The following EPB41L3 variants were observed in gnomAD, a reference collection of about 807,000 sequenced individuals.
EPB41L3 encodes band 4.1-like protein 3.
In EPB41L3, 57 loss-of-function variants were observed where a neutral mutation model predicts 127.1. The ratio of observed to expected loss-of-function variants is 0.45; its 90% CI spans 0.36 to 0.56. The LOEUF is 0.56. Ranked by LOEUF, EPB41L3 falls within the 20% of genes least tolerant of loss-of-function variation. EPB41L3 has a pLI of 0.00. For missense variants in EPB41L3, 1,273 were observed against 1,372.2 expected, an observed-to-expected ratio of 0.93 and a Z score of 1.14; for synonymous variants, 572 against 549.5, an observed-to-expected ratio of 1.04 and a Z score of -0.57.
intron 3 of EPB41L3, among the ~76,000 whole-genome samples, chr18:5,563,628 C>T (rs1313062636): frequency 6.6e-6 from 1 of 152,144 alleles, no homozygotes; most frequent in Non-Finnish European, 1.5e-5. Context: ...ACTGCACCAA[C>T]AGTCTGACTA....
chr18:5,408,541 C>CT (rs1445279765), intron 14 of EPB41L3, among the ~76,000 whole-genome samples: 3 of 151,926 alleles, frequency 2.0e-5, no homozygotes, highest in Non-Finnish European at 2.9e-5. Context: ...TCCCAAAGTG[C>CT]TGGGATTACA....
intron 1 of EPB41L3, among the ~76,000 whole-genome samples, chr18:5,517,597 G>C (rs916489178): frequency 2.6e-5 from 4 of 151,962 alleles, no homozygotes; most frequent in African/African-American, 9.7e-5. Context: ...CAGTGCACCT[G>C]GCTAACCTTT....
chr18:5,586,584 T>G lies in EPB41L3; in HGVS notation c.-306+25756A>C, dbSNP rs532982147. ...ATGACTATTTTTTTTTTTTTTTTTGTAGAGATGAGATCCCACTATGTTGCC... is the reference window on the plus strand; with the variant it reads ...ATGACTATTTTTTTTTTTTTTTTTGGAGAGATGAGATCCCACTATGTTGCC... On this transcript the variant is annotated intron_variant, in intron 3 of 21. Transcript: ENST00000545076. 1.2e-4 allele frequency among the ~76,000 whole-genome samples: 17 copies of G among 146,354 alleles called. No individual in the cohort carries two copies. In the South Asian group the frequency reaches 3.7e-3, roughly 32 times the overall value.
intron 3 of EPB41L3, among the ~76,000 whole-genome samples, chr18:5,453,937 A>G (rs2082648276): frequency 6.6e-6 from 1 of 152,056 alleles, no homozygotes; most frequent in Non-Finnish European, 1.5e-5. Context: ...ATTTTTCCTC[A>G]CTGAATGCCT....
intron 1 of EPB41L3, among the ~76,000 whole-genome samples, chr18:5,507,133 G>A (rs963120953): frequency 6.6e-5 from 10 of 152,054 alleles, no homozygotes; most frequent in Admixed American, 1.3e-4. Context: ...TGACCCTAAT[G>A]TTCCTTATTT....
At position 5,397,957 on chromosome 18, in the gene EPB41L3, A is replaced by C. The variant is rs2073859622; in HGVS notation, c.2472+64T>G. 6.2e-7 allele frequency: 1 copy of C among 1,607,416 alleles called. No homozygotes were observed. The highest frequency in any genetic ancestry group is 8.5e-7 in the Non-Finnish European group (1 of 1,176,562). On this transcript the variant is annotated intron_variant, in intron 17 of 22. Coordinates refer to ENST00000341928, the MANE Select transcript of EPB41L3 (RefSeq NM_012307.5). This position sits in a 1 kb window ranked among gnomAD's most constrained non-coding sequence, Gnocchi z 4.1. ...GATGCAACCACACACTCACGCCCAA[A>C]AAAAGGGTAAGGAAAGGCACATGGG...
chr18:5,506,971 T>G (rs1286700554), intron 1 of EPB41L3, among the ~76,000 whole-genome samples: 1 of 152,226 alleles, frequency 6.6e-6, no homozygotes, highest in Non-Finnish European at 1.5e-5. Context: ...CAGTCCAACC[T>G]AGTGAAAAGT....
intron 1 of EPB41L3, among the ~76,000 whole-genome samples, chr18:5,505,412 C>T (rs1050404455): frequency 2.5e-4 from 38 of 152,184 alleles, no homozygotes; most frequent in Non-Finnish European, 4.7e-4. Flanking sequence ...ATCACCTCCA[C>T]GCTTTCGCCT....
chr18:5,547,283 A>AC (rs1014106391), upstream of EPB41L3, among the ~76,000 whole-genome samples: 1 of 152,052 alleles, frequency 6.6e-6, no homozygotes, highest in African/African-American at 2.4e-5. Flanking sequence ...TGTCAATGTA[A>AC]CCCCCCTTGT....
intron 3 of EPB41L3, among the ~76,000 whole-genome samples, chr18:5,566,723 C>CATTCT (rs57567803): frequency 0.099 from 11,114 of 112,210 alleles, 1,091 homozygotes; most frequent in African/African-American, 0.13. Context: ...TTTTCTATTC[C>CATTCT]ATTCTATTCT....
chr18:5,623,964 T>A (rs2094894080), intron 1 of EPB41L3, among the ~76,000 whole-genome samples: 1 of 152,068 alleles, frequency 6.6e-6, no homozygotes, highest in South Asian at 2.1e-4. Flanking sequence ...TAAAAAAAAA[T>A]GTATGAGACC....
At chr18:5,406,703 T>C (rs1361362087) in intron 16 of EPB41L3, 74 bp downstream of exon 16, 2 of 1,355,030 alleles carry the variant, frequency 1.5e-6, no homozygotes, top group African/African-American at 2.9e-5. Context: ...GACTGTCAAA[T>C]GCAATTCCAC....
At chr18:5,561,128 C>A (rs938479744) in intron 3 of EPB41L3, among the ~76,000 whole-genome samples, 2 of 150,096 alleles carry the variant, frequency 1.3e-5, no homozygotes, top group Non-Finnish European at 1.5e-5. Flanking sequence ...CAGGCGCCCG[C>A]CACTACGCCC....
chr18:5,437,026 G>A (rs1210208120), intron 6 of EPB41L3, among the ~76,000 whole-genome samples: 1 of 152,158 alleles, frequency 6.6e-6, no homozygotes, highest in Non-Finnish European at 1.5e-5. Context: ...TGCTTTGACT[G>A]GTCATAAACT....
At chr18:5,417,406 G>A (rs998944114) in intron 12 of EPB41L3, among the ~76,000 whole-genome samples, 1 of 152,164 alleles carries the variant, frequency 6.6e-6, no homozygotes, top group Non-Finnish European at 1.5e-5. Flanking sequence ...AGGTGGCGGA[G>A]GGGTTGCTGG....
chr18:5,586,990 A>G (rs2094447649), intron 3 of EPB41L3, among the ~76,000 whole-genome samples: 1 of 152,160 alleles, frequency 6.6e-6, no homozygotes, highest in South Asian at 2.1e-4. Context: ...TAACATATTA[A>G]AAGATCCTGA....
chr18:5,514,982 C>A (rs1189203619), intron 1 of EPB41L3, among the ~76,000 whole-genome samples: 1 of 152,226 alleles, frequency 6.6e-6, no homozygotes, highest in Non-Finnish European at 1.5e-5. Flanking sequence ...TTCTCCCTTG[C>A]AGAGCTTTTT....
Position 5,566,788 on chromosome 18 carries a change from T to TATTCCATTCCATTCCATTCCATTCC in EPB41L3, c.-306+45551_-306+45552insGGAATGGAATGGAATGGAATGGAAT, listed in dbSNP as rs796587423. 1.1e-4 allele frequency among the ~76,000 whole-genome samples: 12 copies of TATTCCATTCCATTCCATTCCATTCC among 112,458 alleles called. 1 individual carries two copies. The highest frequency in any genetic ancestry group is 3.0e-4 in the South Asian group (1 of 3,312). The allele number at this position is 112,458 out of a possible 152,430, so 73.8% of individuals were successfully genotyped here. A position where few individuals can be genotyped will look rare whatever the true frequency, so the allele number is the denominator to read the frequency against. On this transcript the variant is annotated intron_variant, in intron 3 of 21. Transcript: ENST00000545076. ...TATTCTATTCTATTCTATTCTATTC[T>TATTCCATTCCATTCCATTCCATTCC]ATTCCATTCCATTCCATTCTAATTT...
At chr18:5,544,047 C>A (rs1206412933), upstream of EPB41L3, 53 of 985,474 alleles carry the variant, frequency 5.4e-5, no homozygotes, top group Non-Finnish European at 6.3e-5. Context: ...CTGTTCCCCC[C>A]GCCCCCTGTT....
Sources: allele counts gnomAD v4.1 joint callset (sites outside exome capture counted in the v4.1 genomes callset), GRCh38; gene constraint gnomAD v4.1.1; non-coding constraint Gnocchi (gnomAD v3.1); transcripts MANE v1.5; gene names NCBI Gene and HGNC (gene_info 2026-07-23, HGNC 2026-07-21).